LRFN5: variants seen among roughly 807,000 people sequenced by gnomAD.
LRFN5 encodes the protein leucine rich repeat and fibronectin type III domain containing 5.
A neutral mutation model predicts 45.6 loss-of-function variants in LRFN5; 24 were observed. The ratio of observed to expected loss-of-function variants is 0.53; its 90% CI spans 0.38 to 0.74. LRFN5 has a LOEUF of 0.74. LRFN5 is among the 30% of genes least tolerant of loss of function. The pLI is 0.00. For missense variants in LRFN5, 776 were observed against 861.5 expected, an observed-to-expected ratio of 0.90 and a Z score of 1.24; for synonymous variants, 340 against 313.8, an observed-to-expected ratio of 1.08 and a Z score of -0.88.
intron 1 of LRFN5, among the ~76,000 whole-genome samples, chr14:41,719,304 T>C (rs1275159220): frequency 6.6e-6 from 1 of 152,118 alleles, no homozygotes; most frequent in Admixed American, 6.5e-5. Flanking sequence ...AGTAGTAGAT[T>C]TTAAGTAAGT....
At chr14:41,888,090 A>C (rs1890645164) in intron 3 of LRFN5, 80 bp downstream of exon 3, 2 of 1,081,650 alleles carry the variant, frequency 1.8e-6, no homozygotes, top group East Asian at 4.9e-5. Context: ...ATTTTTTTTA[A>C]TTGGCAGTGC....
chr14:41,781,614 AAG>A (rs1223165047), intron 2 of LRFN5, among the ~76,000 whole-genome samples: 173 of 88,172 alleles, frequency 2.0e-3, no homozygotes, highest in African/African-American at 6.6e-3. Context: ...GAAAGAAAGA[AAG>A]AGAAAGAAAG....
rs1291662063 is a variant in LRFN5, at chr14:41,674,027, C to T, written c.-197+65465C>T. On this transcript the variant is annotated intron_variant, in intron 1 of 5. Coordinates refer to ENST00000298119, the MANE Select transcript of LRFN5 (RefSeq NM_152447.5). ...CTTCCCAGACGCGGTGGCTGCCGGGCAGAGAGGCTCCTCACTTCTCAGATG... is the reference window on the plus strand; with the variant it reads ...CTTCCCAGACGCGGTGGCTGCCGGGTAGAGAGGCTCCTCACTTCTCAGATG... 2.8e-5 allele frequency among the ~76,000 whole-genome samples: 4 copies of T among 143,862 alleles called. No individual in the cohort carries two copies. In the South Asian group the frequency reaches 9.4e-4, roughly 34 times the overall value. 94.4% of individuals were successfully genotyped at this position (143,862 alleles called of 152,430 possible).
At chr14:41,612,073 T>A (rs1159661674) in intron 1 of LRFN5, among the ~76,000 whole-genome samples, 1 of 152,204 alleles carries the variant, frequency 6.6e-6, no homozygotes, top group Admixed American at 6.5e-5. Flanking sequence ...ATATCAGTGA[T>A]CTGGATCTTC....
In LRFN5 at chr14:41,718,543, A is replaced by T. The variant is rs139716178; in HGVS notation, c.-196-48311A>T. Among the ~76,000 whole-genome samples the T allele has an allele frequency of 8.1e-3, 1,231 of 152,276 alleles. 6 individuals are homozygous for T. The highest frequency in any genetic ancestry group is 0.012 in the Non-Finnish European group (823 of 68,016). The stretch of plus-strand genomic sequence containing the variant: ...TATTGTTCATGTTTTTAAAGATAAG[A>T]TTCTTCACTTTTAGAATTTACATAT... On this transcript the variant is annotated intron_variant, in intron 1 of 5. Transcript: ENST00000298119.
At chr14:41,698,393 G>A (rs754725393) in intron 1 of LRFN5, among the ~76,000 whole-genome samples, 7 of 152,076 alleles carry the variant, frequency 4.6e-5, no homozygotes, top group Non-Finnish European at 8.8e-5. Context: ...ATTGCCAAAT[G>A]ATGTTTTTTG....
chr14:41,896,312 G>C lies in LRFN5; in HGVS notation c.2099-2605G>C, dbSNP rs77295471. On this transcript the variant is annotated intron_variant, in intron 4 of 5. Coordinates refer to ENST00000298119, the MANE Select transcript of LRFN5 (RefSeq NM_152447.5). ...TTGATTTCCAATTGGATTTTATCAT[G>C]CTAAGAAAACTGTTCATTTACATTA... 4.7e-3 allele frequency among the ~76,000 whole-genome samples: 718 copies of C among 152,246 alleles called. 9 individuals are homozygous for C. Among genetic ancestry groups the C allele is most frequent in the African/African-American group, 0.017 (692 of 41,534 alleles).
intron 2 of LRFN5, among the ~76,000 whole-genome samples, chr14:41,882,846 C>CTTTTTTTT: frequency 9.3e-6 from 1 of 107,286 alleles, no homozygotes; most frequent in Non-Finnish European, 1.8e-5. Flanking sequence ...TGTATTTCCT[C>CTTTTTTTT]TTTTTTTTTT....
chr14:41,716,066 C>T (rs1883481289), intron 1 of LRFN5, among the ~76,000 whole-genome samples: 1 of 152,172 alleles, frequency 6.6e-6, no homozygotes, highest in Non-Finnish European at 1.5e-5. Flanking sequence ...CCTATGAAGC[C>T]ACGGTCTAAG....
intron 1 of LRFN5, among the ~76,000 whole-genome samples, chr14:41,685,151 T>A (rs1882064742): frequency 6.6e-6 from 1 of 152,078 alleles, no homozygotes; most frequent in African/African-American, 2.4e-5. Context: ...CAATAACAAA[T>A]GTAGTGAGGA....
intron 1 of LRFN5, among the ~76,000 whole-genome samples, chr14:41,680,863 T>A (rs1263999917): frequency 6.6e-6 from 1 of 151,788 alleles, no homozygotes. Context: ...TCAACAAAAT[T>A]TAAGTTAAAA....
chr14:41,802,050 G>A (rs1267549728), intron 2 of LRFN5, among the ~76,000 whole-genome samples: 3 of 152,106 alleles, frequency 2.0e-5, no homozygotes, highest in Admixed American at 2.0e-4. Context: ...GAAATTTTTT[G>A]CAACTGATTT....
chr14:41,889,820 C>T (rs1436262079), intron 3 of LRFN5, among the ~76,000 whole-genome samples: 1 of 152,060 alleles, frequency 6.6e-6, no homozygotes, highest in Non-Finnish European at 1.5e-5. Flanking sequence ...TAGATATCAA[C>T]AAGGAACTTT....
chr14:41,719,145 A>G (rs1883610565), intron 1 of LRFN5, among the ~76,000 whole-genome samples: 1 of 152,138 alleles, frequency 6.6e-6, no homozygotes, highest in Non-Finnish European at 1.5e-5. Flanking sequence ...ATCATGCAAA[A>G]CACGAAAAGA....
intron 1 of LRFN5, among the ~76,000 whole-genome samples, chr14:41,659,273 C>A (rs918166594): frequency 6.6e-6 from 1 of 151,976 alleles, no homozygotes; most frequent in Non-Finnish European, 1.5e-5. Context: ...CATTGTTCAA[C>A]TCCCACTAAT....
At chr14:41,851,207 G>A (rs1889253719) in intron 2 of LRFN5, among the ~76,000 whole-genome samples, 2 of 151,594 alleles carry the variant, frequency 1.3e-5, no homozygotes, top group African/African-American at 4.8e-5. Flanking sequence ...GTGGAAATTG[G>A]CATCTGAAAA....
At chr14:41,800,622 T>C (rs1594420383) in intron 2 of LRFN5, among the ~76,000 whole-genome samples, 2 of 151,972 alleles carry the variant, frequency 1.3e-5, no homozygotes, top group South Asian at 4.1e-4. Context: ...TATATAAATA[T>C]GAGATACAAA....
chr14:41,722,756 AGT>A (rs1883779183), intron 1 of LRFN5, among the ~76,000 whole-genome samples: 1 of 152,162 alleles, frequency 6.6e-6, no homozygotes, highest in Non-Finnish European at 1.5e-5. Context: ...AGATGTGGCC[AGT>A]GTGGCTGCAT....
chr14:41,866,436 C>G (rs1413496365), intron 2 of LRFN5, among the ~76,000 whole-genome samples: 17 of 152,106 alleles, frequency 1.1e-4, no homozygotes. Context: ...ATTAAATCCT[C>G]TACTCTTGGG....
Sources: gnomAD v4.1 joint callset for allele counts (sites outside exome capture counted in the v4.1 genomes callset) on GRCh38, gnomAD v4.1.1 for gene constraint, MANE v1.5 for transcripts, NCBI Gene and HGNC (gene_info 2026-07-23, HGNC 2026-07-21) for gene names.